The following BAZ1A variants were observed in gnomAD, a reference collection of about 807,000 sequenced individuals.
BAZ1A encodes the protein bromodomain adjacent to zinc finger domain 1A, also known as bromodomain adjacent to zinc finger domain protein 1A.
BAZ1A carries 50 observed loss-of-function variants against 185.2 expected under a neutral mutation model. That is an observed-to-expected ratio of 0.27 (90% CI 0.22 to 0.34). BAZ1A has a LOEUF of 0.34. BAZ1A is among the 10% of genes least tolerant of loss of function. The pLI is 1.00. For missense variants in BAZ1A, 1,356 were observed against 1,839.9 expected, an observed-to-expected ratio of 0.74 and a Z score of 4.81; for synonymous variants, 571 against 615.6, an observed-to-expected ratio of 0.93 and a Z score of 1.07.
chr14:34,806,751 A>ATTG (rs1881875743), intron 6 of BAZ1A, among the ~76,000 whole-genome samples: 2 of 151,416 alleles, frequency 1.3e-5, no homozygotes, highest in Admixed American at 1.3e-4. Flanking sequence ...ATTTATTATT[A>ATTG]TTATTATATT....
chr14:34,763,581 G>A (rs1162453423), intron 23 of BAZ1A, among the ~76,000 whole-genome samples: 1 of 152,080 alleles, frequency 6.6e-6, no homozygotes, highest in East Asian at 1.9e-4. Context: ...TCATTTTATA[G>A]TGCTTTGTGC....
intron 3 of BAZ1A, among the ~76,000 whole-genome samples, chr14:34,847,705 T>A (rs1369838386): frequency 6.6e-6 from 1 of 152,210 alleles, no homozygotes; most frequent in Non-Finnish European, 1.5e-5. Flanking sequence ...GCAGCTCTCT[T>A]TTGTCCTGAA....
chr14:34,783,802 C>T lies in BAZ1A; in HGVS notation c.1957G>A (p.Ala653Thr). ...QAKQEFRELK[A>T]EQHRKEREEA... is the part of the protein sequence containing the mutation. ...TCCCTCTCTTTTCGATGTTGTTCTGCTTTTAATTCCCGGAACTCCTGCTTT... is the reference window on the plus strand; with the variant it reads ...TCCCTCTCTTTTCGATGTTGTTCTGTTTTTAATTCCCGGAACTCCTGCTTT... The change falls in exon 15 of 27, where the codon GCA (alanine) becomes ACA (threonine). Residue 653 changes from alanine (A) to threonine (T), a missense_variant. Physicochemically the swap from Ala to Thr is moderately conservative, Grantham distance 58. Transcript: ENST00000360310. 1 of 1,613,136 alleles carries T rather than the reference C, an allele frequency of 6.2e-7. No individual in the cohort carries two copies. The highest frequency in any genetic ancestry group is 8.5e-7 in the Non-Finnish European group (1 of 1,179,778).
intron 2 of BAZ1A, among the ~76,000 whole-genome samples, chr14:34,872,384 CTCAGGAGT>C (rs2042962245): frequency 6.6e-6 from 1 of 152,096 alleles, no homozygotes; most frequent in African/African-American, 2.4e-5. Flanking sequence ...ATCACTTGAA[CTCAGGAGT>C]TCAAGACCAG....
intron 3 of BAZ1A, among the ~76,000 whole-genome samples, chr14:34,829,920 C>T (rs12587814): frequency 0.58 from 88,253 of 151,952 alleles, 25,847 homozygotes; most frequent in South Asian, 0.67. Context: ...CCCTTGGTGT[C>T]TCATCTCAGC....
chr14:34,779,969 G>A, intron 17 of BAZ1A: 1 of 528,190 alleles, frequency 1.9e-6, no homozygotes, highest in Non-Finnish European at 3.2e-6. Flanking sequence ...AGTATAGATG[G>A]TGTGTAAATA....
intron 20 of BAZ1A, 69 bp downstream of exon 20, chr14:34,773,503 C>CAAA (rs10713079): frequency 2.4e-4 from 277 of 1,149,694 alleles, no homozygotes; most frequent in Admixed American, 4.8e-4. Context: ...ACTTAAAAAC[C>CAAA]AAAAAAAAAA....
In BAZ1A at chr14:34,761,763, A is replaced by G; in HGVS notation, c.4237T>C (p.Ser1413Pro). The G allele has an allele frequency of 6.2e-7, 1 of 1,608,970 alleles. No homozygotes were observed. The highest frequency in any genetic ancestry group is 8.5e-7 in the Non-Finnish European group (1 of 1,176,316). Residue 1413 changes from serine to proline, a missense_variant, in exon 24 of 27, where the codon TCT becomes CCT. Ser to Pro is a moderately conservative substitution (Grantham distance 74). Around this residue, in one of 7 missense-constraint regions of BAZ1A, gnomAD observed 309 missense variants for 355.3 expected, o/e 0.87. Coordinates refer to ENST00000360310, the MANE Select transcript of BAZ1A (RefSeq NM_013448.3). ...AGTTTAGATTTCTTCATACCTGGAG[A>G]TTGTCTTTTTCTGCATCTTCTTTTG... ...ESKRRCRKRQSPEPSPVTLGR... is the reference protein window; with the variant it reads ...ESKRRCRKRQPPEPSPVTLGR...
intron 14 of BAZ1A, among the ~76,000 whole-genome samples, chr14:34,784,508 G>GT (rs1048716822): frequency 1.6e-4 from 24 of 150,138 alleles, no homozygotes; most frequent in African/African-American, 4.9e-4. Flanking sequence ...TGGTTTTCAA[G>GT]TTTTTTTTTG....
At position 34,802,867 on chromosome 14, in the gene BAZ1A, A is replaced by G. The variant is rs767391221; in HGVS notation, c.848T>C (p.Ile283Thr). The G allele has an allele frequency of 2.5e-6, 4 of 1,613,284 alleles. No homozygotes were observed. The highest frequency in any genetic ancestry group is 3.4e-6 in the Non-Finnish European group (4 of 1,179,428). ...TTCTGTACTTACTTGACTAATATGT[A>G]TTCGTTTGGGAGGTCTCCCTCTTCG... ...NRRRGRPPKR[I>T]HISQEDNVAN... The change falls in exon 7 of 27, where the codon ATA becomes ACA. Residue 283 changes from isoleucine (I) to threonine (T), a missense_variant. Ile to Thr is a moderately conservative substitution (Grantham distance 89). Around this residue, in one of 7 missense-constraint regions of BAZ1A, gnomAD observed 332 missense variants for 395.3 expected, o/e 0.84. Transcript: ENST00000360310.
intron 3 of BAZ1A, among the ~76,000 whole-genome samples, chr14:34,832,211 CACACAT>C (rs1226458285): frequency 6.1e-5 from 4 of 65,532 alleles, no homozygotes; most frequent in Admixed American, 1.8e-4. Flanking sequence ...CACACACACA[CACACAT>C]ATATATATAT....
intron 14 of BAZ1A, among the ~76,000 whole-genome samples, 191 bp from the exon 15 acceptor site, chr14:34,784,118 C>T (rs1880242227): frequency 6.6e-6 from 1 of 151,934 alleles, no homozygotes; most frequent in South Asian, 2.1e-4. Context: ...CCTGTAATCC[C>T]AGCACTTTGG....
intron 21 of BAZ1A, among the ~76,000 whole-genome samples, chr14:34,766,613 C>T (rs1024256167): frequency 1.6e-4 from 24 of 152,032 alleles, no homozygotes; most frequent in Admixed American, 9.8e-4. Context: ...TAGACTTCGG[C>T]GTTGGTTAGA....
At position 34,753,553 on chromosome 14, in the gene BAZ1A, C is replaced by A. The variant is rs1886110211; in HGVS notation, c.4626G>T (p.Val1542=). ...KLGLHVTPSN[V]DQVSTPPAAK... Reference sequence around the variant, plus strand: ...CAGCCGGTGGTGTGCTAACTTGGTCCACATTACTGGGTGTGACGTGGAGTC... The same window carrying A: ...CAGCCGGTGGTGTGCTAACTTGGTCAACATTACTGGGTGTGACGTGGAGTC... Residue 1542 remains valine (V), a synonymous_variant, in exon 27 of 27, where the codon GTG becomes GTT. Coordinates refer to ENST00000360310, the MANE Select transcript of BAZ1A (RefSeq NM_013448.3). 1.2e-6 allele frequency: 2 copies of A among 1,613,862 alleles called. No individual in the cohort carries two copies. The highest frequency in any genetic ancestry group is 2.2e-5 in the South Asian group (2 of 91,084).
chr14:34,844,984 CATTT>C (rs1286070566), intron 3 of BAZ1A, among the ~76,000 whole-genome samples: 3 of 152,030 alleles, frequency 2.0e-5, no homozygotes, highest in Admixed American at 6.6e-5. Context: ...CATATTCATT[CATTT>C]ATCTATTATA....
intron 9 of BAZ1A, among the ~76,000 whole-genome samples, chr14:34,796,566 AG>A (rs1169281560): frequency 2.0e-5 from 3 of 152,216 alleles, no homozygotes; most frequent in Admixed American, 6.5e-5. Flanking sequence ...CTTATAATTC[AG>A]GCTATTTCTC....
At chr14:34,768,069 T>G (rs1594816912) in intron 21 of BAZ1A, among the ~76,000 whole-genome samples, 1 of 152,324 alleles carries the variant, frequency 6.6e-6, no homozygotes, top group Admixed American at 6.5e-5. Flanking sequence ...TTTCCTTATC[T>G]TAAACCTTGC....
intron 16 of BAZ1A, 79 bp downstream of exon 16, chr14:34,783,040 G>A (rs1195439559): frequency 6.3e-6 from 7 of 1,113,554 alleles, no homozygotes; most frequent in Non-Finnish European, 2.6e-6. Context: ...AAATGTGAAA[G>A]CATTTTTAGA....
chr14:34,850,291 T>C (rs1028831893), intron 3 of BAZ1A, among the ~76,000 whole-genome samples: 3 of 151,930 alleles, frequency 2.0e-5, no homozygotes, highest in Non-Finnish European at 4.4e-5. Context: ...GGTGGGAGAA[T>C]TGCCTGAGCC....
Sources: allele counts gnomAD v4.1 joint callset (sites outside exome capture counted in the v4.1 genomes callset), GRCh38; gene constraint gnomAD v4.1.1; regional missense constraint gnomAD v4.1.1; transcripts MANE v1.5; gene names NCBI Gene and HGNC (gene_info 2026-07-23, HGNC 2026-07-21).